The following TMEM164 variants were observed in gnomAD, a reference collection of about 807,000 sequenced individuals.
TMEM164 encodes RP13-360B22.2.
TMEM164 carries 4 observed loss-of-function variants against 18.8 expected under a neutral mutation model. The observed-to-expected ratio is 0.21, with a 90% CI of 0.10 to 0.49. TMEM164 has a LOEUF of 0.49. TMEM164 is among the 20% of genes least tolerant of loss of function. The pLI is 0.98. For missense variants in TMEM164, 108 were observed against 239.9 expected (o/e 0.45, Z 3.63); for synonymous variants, 86 against 101.7 (o/e 0.85, Z 0.93).
At chrX:110,162,666 G>A (rs1203365918) in intron 5 of TMEM164, among the ~76,000 whole-genome samples, 1 of 112,340 alleles carries the variant, frequency 8.9e-6, no homozygotes, top group Non-Finnish European at 1.9e-5. Flanking sequence ...TCATCTTGGG[G>A]TTGTGCCATG....
At position 110,177,243 on chromosome X, in the gene TMEM164, T is replaced by C. The variant is rs192010754; in HGVS notation, c.*3792T>C. On this transcript the variant is annotated 3_prime_UTR_variant, in exon 7 of 7. Coordinates refer to ENST00000372068, the MANE Select transcript of TMEM164 (RefSeq NM_032227.4). ...TCTTGCTTTCTTTTGGTGTCCATTT[T>C]GTGTTCTATTTTAAAGAATCTTTCA... 4.4e-5 allele frequency: 5 copies of C among 113,123 alleles called. No individual in the cohort carries two copies. Among genetic ancestry groups the C allele is most frequent in the Admixed American group, 2.8e-4 (3 of 10,797 alleles). The allele number at this position is 113,123 out of a possible 1,213,427, so 9.3% of individuals were successfully genotyped here.
intron 4 of TMEM164, among the ~76,000 whole-genome samples, chrX:110,118,776 A>G (rs1040247360): frequency 9.0e-6 from 1 of 111,248 alleles, no homozygotes; most frequent in Non-Finnish European, 1.9e-5. Context: ...TAGAGCATGG[A>G]TAGAGATCAA....
intron 2 of TMEM164, among the ~76,000 whole-genome samples, chrX:110,039,699 C>T (rs1935008316): frequency 8.9e-6 from 1 of 112,409 alleles, no homozygotes; most frequent in Non-Finnish European, 1.9e-5. Flanking sequence ...CTGGGATGCT[C>T]TGTTGGCCTG....
At chrX:110,178,418 G>A (rs2067310313), downstream of TMEM164, among the ~76,000 whole-genome samples, 1 of 112,147 alleles carries the variant, frequency 8.9e-6, no homozygotes, top group African/African-American at 3.2e-5. Flanking sequence ...GGGGAAGGAC[G>A]GAAAGAGGCT....
chrX:110,040,656 C>A (rs949043305), intron 2 of TMEM164, among the ~76,000 whole-genome samples: 3 of 111,609 alleles, frequency 2.7e-5, no homozygotes, highest in African/African-American at 6.5e-5. Flanking sequence ...TGAATGAATT[C>A]TTTCCTTAGT....
At chrX:110,007,452 A>G (rs1314748045) in intron 2 of TMEM164, among the ~76,000 whole-genome samples, 1 of 112,231 alleles carries the variant, frequency 8.9e-6, no homozygotes, top group Non-Finnish European at 1.9e-5. Context: ...ACTGGTGTCT[A>G]TCAATTATAC....
intron 4 of TMEM164, among the ~76,000 whole-genome samples, chrX:110,133,350 C>T (rs1451109214): frequency 9.0e-6 from 1 of 111,106 alleles, no homozygotes; most frequent in Non-Finnish European, 1.9e-5. Flanking sequence ...AGGGTTTCAC[C>T]ATATTGGCCA....
chrX:110,173,612 C>T lies in TMEM164; in HGVS notation c.*161C>T, dbSNP rs2067258489. ...CTTTCTTCTACCACTCTTCCTTTCC[C>T]AGCTCTTCCCCCTACGATGTCTCCT... is the stretch of plus-strand genomic sequence containing the variant. On this transcript the variant is annotated 3_prime_UTR_variant, in exon 7 of 7. Transcript: ENST00000372068. The T allele has an allele frequency of 1.0e-5, 5 of 486,453 alleles. No homozygotes were observed. The East Asian group carries it at 1.8e-4, about 18-fold the overall frequency. The allele number at this position is 486,453 out of a possible 1,213,427, so 40.1% of individuals were successfully genotyped here. A position where few individuals can be genotyped will look rare whatever the true frequency, so the allele number is the denominator to read the frequency against.
chrX:110,067,052 C>G lies in TMEM164; in HGVS notation c.391-295C>G, dbSNP rs773576756. 3.6e-5 allele frequency among the ~76,000 whole-genome samples: 4 copies of G among 110,238 alleles called. No homozygotes were observed. In the South Asian group the frequency reaches 1.2e-3, roughly 32 times the overall value. On this transcript the variant is annotated intron_variant, in intron 2 of 6. Coordinates refer to ENST00000372068, the MANE Select transcript of TMEM164 (RefSeq NM_032227.4). ...TTCCATGCTCAGAATCTATTTTTAC[C>G]TGCCCTGGGTTAAATTTAAGACTGA...
intron 3 of TMEM164, among the ~76,000 whole-genome samples, chrX:110,091,347 C>T (rs893363093): frequency 6.2e-5 from 7 of 112,069 alleles, no homozygotes; most frequent in Non-Finnish European, 1.3e-4. Context: ...GTTCCTATTT[C>T]TCCACATCCT....
chrX:110,056,177 C>G (rs760848568), intron 2 of TMEM164, among the ~76,000 whole-genome samples: 1 of 109,751 alleles, frequency 9.1e-6, no homozygotes, highest in South Asian at 4.0e-4. Flanking sequence ...CACCCCCCTC[C>G]CTACCTTTCC....
chrX:110,135,276 G>T (rs2066674048), intron 4 of TMEM164, among the ~76,000 whole-genome samples: 1 of 109,247 alleles, frequency 9.2e-6, no homozygotes, highest in South Asian at 3.8e-4. Context: ...ATATAGACTT[G>T]CTCTATTTTA....
intron 4 of TMEM164, among the ~76,000 whole-genome samples, chrX:110,113,484 G>T (rs893905380): frequency 8.9e-6 from 1 of 112,304 alleles, no homozygotes; most frequent in African/African-American, 3.2e-5. Flanking sequence ...TTGTAAGCCA[G>T]CTTTTGACTT....
rs764742573 is a variant in TMEM164, at chrX:110,113,026, TCCTCCCTC to T, written c.507+3887_507+3894del. On this transcript the variant is annotated intron_variant, in intron 4 of 6. Transcript: ENST00000372068. ...TTTCTTCCCCTCACCCTGCTTTCCT[TCCTCCCTC>T]CCTCCCCTCTGCCTTTCCTTCCTCC... Among the ~76,000 whole-genome samples, 472 of 111,289 alleles carry T rather than the reference TCCTCCCTC, an allele frequency of 4.2e-3. 1 individual carries two copies. The highest frequency in any genetic ancestry group is 0.014 in the African/African-American group (434 of 30,652).
chrX:110,036,516 A>G (rs766325089), intron 2 of TMEM164, among the ~76,000 whole-genome samples: 2 of 112,479 alleles, frequency 1.8e-5, no homozygotes, highest in African/African-American at 3.2e-5. Context: ...TTAGTGTACA[A>G]TGGGCTGATT....
chrX:110,094,598 A>G (rs1387956524), intron 3 of TMEM164, among the ~76,000 whole-genome samples: 1 of 111,714 alleles, frequency 9.0e-6, no homozygotes, highest in Non-Finnish European at 1.9e-5. Context: ...GGTCTCCTGA[A>G]TACAGCACAC....
intron 3 of TMEM164, among the ~76,000 whole-genome samples, chrX:110,083,525 A>G (rs1246101321): frequency 2.7e-5 from 3 of 110,623 alleles, no homozygotes; most frequent in Non-Finnish European, 5.7e-5. Context: ...TTTCTTAGCT[A>G]GTCTCAACCA....
chrX:110,137,590 AC>A (rs2066708727), intron 4 of TMEM164, among the ~76,000 whole-genome samples: 1 of 111,869 alleles, frequency 8.9e-6, no homozygotes, highest in South Asian at 3.7e-4. Flanking sequence ...GCTCTGCAAA[AC>A]TACATACCAT....
At chrX:110,129,922 T>C (rs1028658334) in intron 4 of TMEM164, among the ~76,000 whole-genome samples, 10 of 112,746 alleles carry the variant, frequency 8.9e-5, no homozygotes, top group East Asian at 5.5e-4. Flanking sequence ...ATTTAAACCA[T>C]ATTTTCATTT....
Sources: gnomAD v4.1 joint callset for allele counts (sites outside exome capture counted in the v4.1 genomes callset) on GRCh38, gnomAD v4.1.1 for gene constraint, MANE v1.5 for transcripts, NCBI Gene and HGNC (gene_info 2026-07-23, HGNC 2026-07-21) for gene names.